Variants in DENND4A observed in about 807,000 individuals in gnomAD.
The protein encoded by DENND4A is C-myc promoter-binding protein.
In DENND4A, 70 loss-of-function variants were observed where a neutral mutation model predicts 199.3. That is an observed-to-expected ratio of 0.35 (90% CI 0.29 to 0.43). The LOEUF (loss-of-function observed/expected upper bound fraction) is 0.43, where lower values mean the gene tolerates loss of function less well. Ranked by LOEUF, DENND4A falls within the 20% of genes least tolerant of loss-of-function variation. DENND4A has a pLI of 1.00. For synonymous variants in DENND4A, 686 were observed against 766.9 expected (o/e 0.89, Z 1.74); for missense variants, 1,723 against 2,255.8 (o/e 0.76, Z 4.78).
chr15:65,755,816 C>G (rs748414172), intron 3 of DENND4A, among the ~76,000 whole-genome samples: 1 of 152,078 alleles, frequency 6.6e-6, no homozygotes, highest in Non-Finnish European at 1.5e-5. Flanking sequence ...TGCTTAAAAG[C>G]CTTTTTTCGT....
At chr15:65,731,392 C>T in intron 9 of DENND4A, 1 of 516,632 alleles carries the variant, frequency 1.9e-6, no homozygotes, top group Non-Finnish European at 3.8e-6. Context: ...CATAAATACA[C>T]ACACACACAC....
At chr15:65,679,857 C>A (rs1052887992) in intron 23 of DENND4A, among the ~76,000 whole-genome samples, 1 of 152,122 alleles carries the variant, frequency 6.6e-6, no homozygotes, top group African/African-American at 2.4e-5. Context: ...ACAGGGCGAC[C>A]AAACAAAGGA....
chr15:65,782,489 T>C (rs2077459892), intron 1 of DENND4A, among the ~76,000 whole-genome samples: 1 of 152,190 alleles, frequency 6.6e-6, no homozygotes, highest in Non-Finnish European at 1.5e-5. Flanking sequence ...CCAAAGTGAT[T>C]AAGAGTGCAG....
chr15:65,700,977 T>G, intron 19 of DENND4A, 74 bp downstream of exon 19: 1 of 1,477,008 alleles, frequency 6.8e-7, no homozygotes, highest in Non-Finnish European at 9.1e-7. Context: ...TAAAACTATT[T>G]AAAATTTCTA....
intron 1 of DENND4A, among the ~76,000 whole-genome samples, chr15:65,778,463 A>C (rs1357638881): frequency 6.6e-6 from 1 of 151,896 alleles, no homozygotes; most frequent in Non-Finnish European, 1.5e-5. Context: ...AAAAAAAAAA[A>C]AAAAAAAGCG....
At chr15:65,731,459 T>G (rs1567055412) in intron 9 of DENND4A, 183 bp downstream of exon 9, 2 of 627,310 alleles carry the variant, frequency 3.2e-6, no homozygotes, top group Non-Finnish European at 3.0e-6. Flanking sequence ...AAAACACTAT[T>G]AGAAAAGTTT....
chr15:65,752,549 T>C lies in DENND4A; in HGVS notation c.391A>G (p.Ile131Val), dbSNP rs1358520089. 2 of 1,613,114 alleles carry C rather than the reference T, an allele frequency of 1.2e-6. No individual in the cohort carries two copies. The highest frequency in any genetic ancestry group is 1.7e-6 in the Non-Finnish European group (2 of 1,179,508). Residue 131 changes from isoleucine (I) to valine (V), a missense_variant, in exon 4 of 33, where the codon ATT (isoleucine) becomes GTT (valine). Physicochemically the swap from Ile to Val is conservative, Grantham distance 29 (BLOSUM62 3). Around this residue, in one of 6 missense-constraint regions of DENND4A, gnomAD observed 725 missense variants for 952.9 expected, o/e 0.76. Coordinates refer to ENST00000443035, the MANE Select transcript of DENND4A (RefSeq NM_001320835.1). ...CTTTGTGATGAGGTACTCCCACTAA[T>C]ATTTGCGGGGCGCCCATAGGGAGTA... ...QSTPYGRPAN[I>V]SGSTSSQRIY...
chr15:65,682,191 T>C (rs543627582), intron 23 of DENND4A, among the ~76,000 whole-genome samples: 5 of 152,232 alleles, frequency 3.3e-5, no homozygotes, highest in African/African-American at 1.2e-4. Context: ...ACTTTTCCTC[T>C]CTCTCCATCA....
chr15:65,687,164 A>G (rs114969816), intron 23 of DENND4A, among the ~76,000 whole-genome samples: 6,209 of 151,952 alleles, frequency 0.041, 360 homozygotes, highest in African/African-American at 0.13. Flanking sequence ...GCTACATCTC[A>G]CTGTATTTTT....
rs761354422 is a variant in DENND4A, at chr15:65,691,130, A to C, written c.3464T>G (p.Leu1155Trp). Residue 1155 changes from leucine to tryptophan, a missense_variant, in exon 23 of 33, where the codon TTG (leucine) becomes TGG (tryptophan). Physicochemically the swap from Leu to Trp is moderately conservative, Grantham distance 61 (BLOSUM62 -2). Around this residue, in one of 6 missense-constraint regions of DENND4A, gnomAD observed 650 missense variants for 738.1 expected, o/e 0.88. Transcript: ENST00000443035. ...AACAGGAGAATCCACTTTATCTGCC[A>C]AATAGTTAGAACCATCAAAAGGTGT... Reference protein sequence around the residue: ...DDTPFDGSNYLADKVDSPVIF... With the variant: ...DDTPFDGSNYWADKVDSPVIF... The C allele has an allele frequency of 2.1e-5, 34 of 1,613,358 alleles. No individual in the cohort carries two copies. Among genetic ancestry groups the C allele is most frequent in the Non-Finnish European group, 2.9e-5 (34 of 1,179,688 alleles).
At chr15:65,716,153 T>C (rs778448197) in intron 13 of DENND4A, among the ~76,000 whole-genome samples, 30 of 152,112 alleles carry the variant, frequency 2.0e-4, no homozygotes, top group Non-Finnish European at 3.8e-4. Context: ...CTTTCCAGTC[T>C]CAGGGACTGT....
chr15:65,729,277 T>TTTAACACTGAAGCATTC, intron 10 of DENND4A, 30 bp from the exon 11 acceptor site: 1 of 1,554,116 alleles, frequency 6.4e-7, no homozygotes, highest in Non-Finnish European at 8.7e-7. Context: ...GGAGAGAATT[T>TTTAACACTGAAGCATTC]AGCTTTTTAA....
chr15:65,721,095 G>A (rs28758879), intron 12 of DENND4A, among the ~76,000 whole-genome samples: 30,753 of 149,506 alleles, frequency 0.21, 4,211 homozygotes, highest in East Asian at 0.74. Flanking sequence ...TTACAGGCCT[G>A]AGCCACCCTG....
At chr15:65,782,048 G>C (rs903199250) in intron 1 of DENND4A, among the ~76,000 whole-genome samples, 1 of 152,096 alleles carries the variant, frequency 6.6e-6, no homozygotes, top group East Asian at 1.9e-4. Context: ...AGGATTTTAG[G>C]GCCCCACAAG....
At position 65,752,416 on chromosome 15, in the gene DENND4A, G is replaced by A. The variant is rs2076592005; in HGVS notation, c.524C>T (p.Thr175Met). Residue 175 changes from threonine to methionine, a missense_variant, in exon 4 of 33, where the codon ACG (threonine) becomes ATG (methionine). Physicochemically the swap from Thr to Met is moderately conservative, Grantham distance 81. This residue lies in a region of DENND4A where 725 missense variants were observed against 952.9 expected (regional missense o/e 0.76). Coordinates refer to ENST00000443035, the MANE Select transcript of DENND4A (RefSeq NM_001320835.1). ...IPSKGESPPH[T>M]FCKVDKNLNN... ...GAGATTCTTGTCGACTTTGCAGAAC[G>A]TGTGTGGTGGGCTTTCTCCTTTACT... 1.9e-6 allele frequency: 3 copies of A among 1,610,430 alleles called. No individual in the cohort carries two copies. The highest frequency in any genetic ancestry group is 1.3e-5 in the African/African-American group (1 of 74,566).
At chr15:65,687,590 G>A (rs577172013) in intron 23 of DENND4A, among the ~76,000 whole-genome samples, 38 of 152,156 alleles carry the variant, frequency 2.5e-4, no homozygotes, top group Non-Finnish European at 5.0e-4. Flanking sequence ...ATCTGAAAAT[G>A]TCTTTATTTC....
At position 65,700,534 on chromosome 15, in the gene DENND4A, A is replaced by G; in HGVS notation, c.2833+10T>C. ...TACTATAATAAATGTATACATAAGC[A>G]TACACAAACCTGTACTAGATCTATC... On this transcript the variant is annotated intron_variant, in intron 20 of 32. Coordinates refer to ENST00000443035, the MANE Select transcript of DENND4A (RefSeq NM_001320835.1). 6.9e-7 allele frequency: 1 copy of G among 1,446,112 alleles called. No individual in the cohort carries two copies. The allele number at this position is 1,446,112 out of a possible 1,614,324, so 89.6% of individuals were successfully genotyped here.
chr15:65,741,857 G>A lies in DENND4A; in HGVS notation c.562-73C>T, dbSNP rs921070045. On this transcript the variant is annotated intron_variant, in intron 4 of 32. Transcript: ENST00000443035. ...ACTTGATAAAATGGAATCTCTTTGAGCTCTCTAGTATGTATTATCTAATAT... is the reference window on the plus strand; with the variant it reads ...ACTTGATAAAATGGAATCTCTTTGAACTCTCTAGTATGTATTATCTAATAT... 3.2e-6 allele frequency: 4 copies of A among 1,239,942 alleles called. No individual in the cohort carries two copies. The South Asian group carries it at 3.7e-5, about 12-fold the overall frequency. 76.8% of individuals were successfully genotyped at this position (1,239,942 alleles called of 1,614,324 possible). A position where few individuals can be genotyped will look rare whatever the true frequency, so the allele number is the denominator to read the frequency against.
chr15:65,772,692 A>G, intron 1 of DENND4A, among the ~76,000 whole-genome samples: 1 of 137,038 alleles, frequency 7.3e-6, no homozygotes. Flanking sequence ...GGGCAACAAA[A>G]TGAGACTCCG....
Sources: allele counts gnomAD v4.1 joint callset (sites outside exome capture counted in the v4.1 genomes callset), GRCh38; gene constraint gnomAD v4.1.1; regional missense constraint gnomAD v4.1.1; transcripts MANE v1.5; gene names NCBI Gene and HGNC (gene_info 2026-07-23, HGNC 2026-07-21).